Variants in IL1RAPL1 observed in about 807,000 individuals in gnomAD.
The protein encoded by IL1RAPL1 is interleukin-1 receptor accessory protein-like 1.
A neutral mutation model predicts 48.4 loss-of-function variants in IL1RAPL1; 3 were observed. That is an observed-to-expected ratio of 0.06 (90% CI 0.03 to 0.16). IL1RAPL1 has a LOEUF of 0.16. Ranked by LOEUF, IL1RAPL1 falls within the 10% of genes least tolerant of loss-of-function variation. The pLI, the probability that IL1RAPL1 is intolerant of heterozygous loss-of-function variation, is 1.00. For missense variants in IL1RAPL1, 349 were observed against 530.6 expected, an observed-to-expected ratio of 0.66 and a Z score of 3.36; for synonymous variants, 185 against 187.7, an observed-to-expected ratio of 0.99 and a Z score of 0.12.
At chrX:28,675,594 A>T (rs953636070) in intron 1 of IL1RAPL1, among the ~76,000 whole-genome samples, 1 of 112,258 alleles carries the variant, frequency 8.9e-6, no homozygotes, top group African/African-American at 3.2e-5. Context: ...AGTATTAAAT[A>T]TAGCATACAT....
intron 5 of IL1RAPL1, among the ~76,000 whole-genome samples, chrX:29,469,129 T>A: frequency 8.9e-6 from 1 of 112,478 alleles, no homozygotes; most frequent in East Asian, 2.8e-4. Flanking sequence ...CAAATTTTCT[T>A]TTCCTGTTGG....
chrX:29,327,073 T>C (rs1932847458), intron 3 of IL1RAPL1, among the ~76,000 whole-genome samples: 1 of 111,404 alleles, frequency 9.0e-6, no homozygotes, highest in Non-Finnish European at 1.9e-5. Flanking sequence ...TGCCACACTA[T>C]ATAGCAGTGG....
intron 1 of IL1RAPL1, among the ~76,000 whole-genome samples, chrX:28,723,579 G>A (rs1373278421): frequency 9.0e-6 from 1 of 111,337 alleles, no homozygotes. Flanking sequence ...AGGGTTTTTT[G>A]TGTCTCTATC....
chrX:29,885,275 A>C (rs1932127155), intron 6 of IL1RAPL1, among the ~76,000 whole-genome samples: 1 of 112,116 alleles, frequency 8.9e-6, no homozygotes, highest in Non-Finnish European at 1.9e-5. Context: ...TTAAAATTGC[A>C]AACCTATTCT....
At chrX:28,714,482 G>A (rs1343010948) in intron 1 of IL1RAPL1, among the ~76,000 whole-genome samples, 1 of 111,916 alleles carries the variant, frequency 8.9e-6, no homozygotes, top group African/African-American at 3.2e-5. Context: ...GAAACTTCAA[G>A]CCTTATGTCT....
At position 29,170,776 on chromosome X, in the gene IL1RAPL1, T is replaced by C. The variant is rs555735520; in HGVS notation, c.83-112162T>C. ...ATAATAACTTTTGGTGTTAGAAATA[T>C]ATATTTTATTTTTACTTGAACTCCG... On this transcript the variant is annotated intron_variant, in intron 2 of 10. Coordinates refer to ENST00000378993, the MANE Select transcript of IL1RAPL1 (RefSeq NM_014271.4). Among the ~76,000 whole-genome samples the C allele has an allele frequency of 9.8e-5, 11 of 111,808 alleles. No individual in the cohort carries two copies. The South Asian group carries it at 4.1e-3, about 42-fold the overall frequency.
intron 6 of IL1RAPL1, among the ~76,000 whole-genome samples, chrX:29,816,174 A>T (rs1471968682): frequency 9.0e-6 from 1 of 111,463 alleles, no homozygotes; most frequent in Non-Finnish European, 1.9e-5. Context: ...ATAGACTACT[A>T]GTTAGATCAA....
chrX:28,724,148 T>G (rs541389858), intron 1 of IL1RAPL1, among the ~76,000 whole-genome samples: 9 of 111,646 alleles, frequency 8.1e-5, no homozygotes, highest in East Asian at 5.7e-4. Flanking sequence ...CTGGGTATCC[T>G]TATTAACTTT....
intron 1 of IL1RAPL1, among the ~76,000 whole-genome samples, chrX:28,676,732 G>GA (rs59121882): frequency 0.31 from 29,512 of 95,563 alleles, 3,774 homozygotes; most frequent in East Asian, 0.49. Flanking sequence ...GAGTCTGACT[G>GA]AAAAAAAAAA....
chrX:28,926,145 C>T (rs753484133), intron 2 of IL1RAPL1, among the ~76,000 whole-genome samples: 17 of 111,390 alleles, frequency 1.5e-4, no homozygotes, highest in African/African-American at 2.6e-4. Flanking sequence ...CAGTCACAGC[C>T]GCCAGATTTC....
chrX:29,887,021 C>A (rs1303223609), intron 6 of IL1RAPL1, among the ~76,000 whole-genome samples: 1 of 111,608 alleles, frequency 9.0e-6, no homozygotes, highest in Non-Finnish European at 1.9e-5. Context: ...TGTTACTAAT[C>A]CCAACCAATG....
chrX:29,566,130 G>A (rs925331005), intron 5 of IL1RAPL1, among the ~76,000 whole-genome samples: 2 of 111,171 alleles, frequency 1.8e-5, no homozygotes, highest in African/African-American at 6.5e-5. Flanking sequence ...TTGTAGAGAC[G>A]GGGTTTCACC....
At chrX:29,569,033 G>A (rs1178719626) in intron 5 of IL1RAPL1, among the ~76,000 whole-genome samples, 1 of 111,145 alleles carries the variant, frequency 9.0e-6, no homozygotes, top group Non-Finnish European at 1.9e-5. Flanking sequence ...CCCTTCTGAT[G>A]CAATTTATGC....
intron 5 of IL1RAPL1, among the ~76,000 whole-genome samples, chrX:29,564,440 T>C (rs1408790293): frequency 8.8e-6 from 1 of 113,083 alleles, no homozygotes; most frequent in Non-Finnish European, 1.9e-5. Flanking sequence ...AGAATCTGAC[T>C]AAGGAGTACT....
Position 28,912,559 on chromosome X carries a change from T to C in IL1RAPL1, c.82+123134T>C, listed in dbSNP as rs780110052. ...TATATAATGTCTGTATATATAACTA[T>C]AGATGTATGAGTGTGTGTGTCTCCG... On this transcript the variant is annotated intron_variant, in intron 2 of 10. Transcript: ENST00000378993. Among the ~76,000 whole-genome samples, 4 of 111,159 alleles carry C rather than the reference T, an allele frequency of 3.6e-5. 1 individual carries two copies. The South Asian group carries it at 1.5e-3, about 42-fold the overall frequency.
intron 2 of IL1RAPL1, among the ~76,000 whole-genome samples, chrX:28,865,832 CA>C (rs1336926408): frequency 8.9e-6 from 1 of 111,740 alleles, no homozygotes; most frequent in Admixed American, 9.5e-5. Flanking sequence ...GATCAATTGG[CA>C]AAAGCTGTAT....
intron 6 of IL1RAPL1, among the ~76,000 whole-genome samples, chrX:29,845,452 G>T (rs1372105772): frequency 9.0e-6 from 1 of 111,322 alleles, no homozygotes; most frequent in Non-Finnish European, 1.9e-5. Flanking sequence ...TTATATATAA[G>T]CTAGAATAAT....
chrX:29,884,741 C>G (rs909375592), intron 6 of IL1RAPL1, among the ~76,000 whole-genome samples: 1 of 111,797 alleles, frequency 8.9e-6, no homozygotes, highest in Non-Finnish European at 1.9e-5. Context: ...CGGACCTGCA[C>G]CACCCACAGC....
chrX:29,277,778 C>T (rs1356994483), intron 2 of IL1RAPL1, among the ~76,000 whole-genome samples: 1 of 112,141 alleles, frequency 8.9e-6, no homozygotes, highest in Non-Finnish European at 1.9e-5. Flanking sequence ...CTTGCATATA[C>T]AGTATATAAT....
Sources: gnomAD v4.1 joint callset for allele counts (sites outside exome capture counted in the v4.1 genomes callset) on GRCh38, gnomAD v4.1.1 for gene constraint, MANE v1.5 for transcripts, NCBI Gene and HGNC (gene_info 2026-07-23, HGNC 2026-07-21) for gene names.